The following SDK1 variants were observed in gnomAD, a reference collection of about 807,000 sequenced individuals.
SDK1 encodes protein sidekick-1.
Under a neutral mutation model 245.5 loss-of-function variants are expected in SDK1, and 157 were observed. That is an observed-to-expected ratio of 0.64 (90% confidence interval 0.56 to 0.73). The LOEUF (loss-of-function observed/expected upper bound fraction) is 0.73. Ranked by LOEUF, SDK1 falls within the 30% of genes least tolerant of loss-of-function variation. SDK1 has a pLI of 0.00. For missense variants in SDK1, 3,583 were observed against 3,002.3 expected (o/e 1.19, Z -4.52); for synonymous variants, 1,647 against 1,278.5 (o/e 1.29, Z -6.15).
At chr7:3,979,712 C>A (rs972756849) in intron 13 of SDK1, among the ~76,000 whole-genome samples, 1 of 152,148 alleles carries the variant, frequency 6.6e-6, no homozygotes, top group Non-Finnish European at 1.5e-5. Context: ...GTTTTAGTAG[C>A]GTCTTTGCTC....
intron 11 of SDK1, 62 bp from the exon 12 acceptor site, chr7:3,971,404 C>A (rs114321620): frequency 3.5e-5 from 41 of 1,166,682 alleles, no homozygotes; most frequent in African/African-American, 9.0e-5. Context: ...CATTATCCCC[C>A]CTGAGGGCAG....
chr7:3,987,061 G>T (rs1056142565), intron 13 of SDK1, 125 bp from the exon 14 acceptor site: 6 of 888,938 alleles, frequency 6.7e-6, no homozygotes, highest in African/African-American at 6.7e-5. Flanking sequence ...TTGTGTTTGG[G>T]CATATTTTAT....
intron 1 of SDK1, chr7:3,338,478 C>G (rs1211959654): frequency 5.9e-6 from 3 of 504,658 alleles, no homozygotes; most frequent in Non-Finnish European, 1.1e-5. Context: ...AGAAGGAAGC[C>G]AAAGAGAAAT....
At chr7:3,967,786 G>T (rs937457218) in intron 10 of SDK1, among the ~76,000 whole-genome samples, 2 of 152,186 alleles carry the variant, frequency 1.3e-5, no homozygotes, top group African/African-American at 2.4e-5. Context: ...CTGACAGGAG[G>T]GGGAGCTCAG....
chr7:3,998,105 C>T (rs1044511695), intron 14 of SDK1, among the ~76,000 whole-genome samples: 17 of 152,302 alleles, frequency 1.1e-4, no homozygotes, highest in African/African-American at 3.8e-4. Context: ...GGATCTGCAG[C>T]CACGACTTGG....
rs181337209 is a variant in SDK1 at position 3,672,005 on chromosome 7, A to G, written c.713+29900A>G. ...TGCTTGGAGCTAAAAGCAGGAACAC[A>G]TGGACCCTGAGGCATAGCTGCTCTG... On this transcript the variant is annotated intron_variant, in intron 4 of 44. Coordinates refer to ENST00000404826, the MANE Select transcript of SDK1 (RefSeq NM_152744.4). 2.6e-5 allele frequency among the ~76,000 whole-genome samples: 4 copies of G among 152,286 alleles called. No individual in the cohort carries two copies. In the East Asian group the frequency reaches 5.8e-4, roughly 22 times the overall value.
At position 4,268,586 on chromosome 7, in the gene SDK1, T is replaced by A. The variant is rs1788614516; in HGVS notation, c.*3202T>A. On this transcript the variant is annotated 3_prime_UTR_variant, in exon 45 of 45. Coordinates refer to ENST00000404826, the MANE Select transcript of SDK1 (RefSeq NM_152744.4). The stretch of plus-strand genomic sequence containing the variant: ...ACTCTGTACAGGTCTTCGGAGGCCG[T>A]GTTTGTATCTAACTGTGACTGGGCT... The A allele has an allele frequency of 7.4e-7, 1 of 1,358,156 alleles. No individual in the cohort carries two copies. The highest frequency in any genetic ancestry group is 1.9e-5 in the Admixed American group (1 of 52,226). 84.1% of individuals were successfully genotyped at this position (1,358,156 alleles called of 1,614,324 possible). A position where few individuals can be genotyped will look rare whatever the true frequency, so the allele number is the denominator to read the frequency against.
intron 1 of SDK1, among the ~76,000 whole-genome samples, chr7:3,558,897 A>T (rs915517108): frequency 6.6e-6 from 1 of 152,202 alleles, no homozygotes; most frequent in Non-Finnish European, 1.5e-5. Flanking sequence ...TCATTAGACA[A>T]ATGTATATTC....
intron 4 of SDK1, among the ~76,000 whole-genome samples, chr7:3,690,181 G>C (rs934634139): frequency 3.9e-5 from 6 of 152,134 alleles, no homozygotes; most frequent in Non-Finnish European, 1.5e-5. Context: ...TCTAGATGCA[G>C]GGCGTCACCT....
intron 4 of SDK1, among the ~76,000 whole-genome samples, chr7:3,785,970 A>G (rs756064772): frequency 7.2e-5 from 11 of 152,180 alleles, no homozygotes; most frequent in African/African-American, 1.2e-4. Context: ...GCTTGCTTTT[A>G]TTAGGTCATG....
intron 5 of SDK1, among the ~76,000 whole-genome samples, chr7:3,948,464 G>A (rs892575908): frequency 1.2e-4 from 19 of 152,006 alleles, no homozygotes; most frequent in African/African-American, 2.4e-4. Flanking sequence ...GGGTTTCACC[G>A]TGTTAGCCAG....
At chr7:3,329,927 A>G (rs1780027742) in intron 1 of SDK1, among the ~76,000 whole-genome samples, 1 of 152,210 alleles carries the variant, frequency 6.6e-6, no homozygotes, top group Non-Finnish European at 1.5e-5. Context: ...TTATATGCAA[A>G]TACTATGCTG....
intron 4 of SDK1, among the ~76,000 whole-genome samples, chr7:3,655,693 T>C (rs1783161129): frequency 6.6e-6 from 1 of 151,620 alleles, no homozygotes. Context: ...AGTGAATATT[T>C]ATTGAACAAA....
At chr7:4,118,481 G>A (rs1231392914) in intron 25 of SDK1, among the ~76,000 whole-genome samples, 2 of 152,228 alleles carry the variant, frequency 1.3e-5, no homozygotes, top group Non-Finnish European at 2.9e-5. Context: ...TTGCTGGTGG[G>A]AATATTAAAT....
At chr7:3,515,293 C>A (rs182326300) in intron 1 of SDK1, among the ~76,000 whole-genome samples, 1 of 152,088 alleles carries the variant, frequency 6.6e-6, no homozygotes, top group African/African-American at 2.4e-5. Flanking sequence ...GAAGAAAATT[C>A]GTTCTTCTTT....
intron 32 of SDK1, among the ~76,000 whole-genome samples, chr7:4,167,218 C>G (rs540020670): frequency 5.1e-4 from 78 of 152,156 alleles, no homozygotes; most frequent in Non-Finnish European, 9.4e-4. Context: ...GGTGAAACCC[C>G]GTCTCTACCA....
intron 1 of SDK1, among the ~76,000 whole-genome samples, chr7:3,549,699 A>T (rs1032836111): frequency 6.6e-6 from 1 of 152,156 alleles, no homozygotes; most frequent in African/African-American, 2.4e-5. Context: ...TATCACAGAA[A>T]TTGTTGAAGT....
intron 1 of SDK1, among the ~76,000 whole-genome samples, chr7:3,615,879 CT>C (rs200942027): frequency 0.06 from 8,318 of 138,338 alleles, 691 homozygotes; most frequent in African/African-American, 0.18. Context: ...TTTTTGCTGT[CT>C]TTTTTTTTTT....
intron 4 of SDK1, among the ~76,000 whole-genome samples, chr7:3,746,222 T>C (rs1779614126): frequency 6.6e-6 from 1 of 152,226 alleles, no homozygotes; most frequent in African/African-American, 2.4e-5. Flanking sequence ...TAGCATTATG[T>C]CTAAAAATTT....
Sources: allele counts gnomAD v4.1 joint callset (sites outside exome capture counted in the v4.1 genomes callset), GRCh38; gene constraint gnomAD v4.1.1; transcripts MANE v1.5; gene names NCBI Gene and HGNC (gene_info 2026-07-23, HGNC 2026-07-21).